The following TP73 variants were observed in gnomAD, a reference collection of about 807,000 sequenced individuals.
The protein encoded by TP73 is p53-like transcription factor.
Under a neutral mutation model 62.5 loss-of-function variants are expected in TP73, and 25 were observed. That is an observed-to-expected ratio of 0.40 (90% CI 0.29 to 0.56). The LOEUF (loss-of-function observed/expected upper bound fraction) is 0.56, where lower values mean the gene tolerates loss of function less well. TP73 is among the 20% of genes least tolerant of loss of function. TP73 has a pLI of 0.46. For synonymous variants in TP73, 423 were observed against 377.5 expected, an observed-to-expected ratio of 1.12 and a Z score of -1.40; for missense variants, 754 against 913.3, an observed-to-expected ratio of 0.83 and a Z score of 2.25.
intron 3 of TP73, among the ~76,000 whole-genome samples, chr1:3,695,339 G>A (rs1265034146): frequency 6.6e-6 from 1 of 152,196 alleles, no homozygotes; most frequent in Admixed American, 6.5e-5. Flanking sequence ...CTGTTCTTCA[G>A]CTTTAGGGTC....
intron 1 of TP73, among the ~76,000 whole-genome samples, chr1:3,668,380 T>A (rs1645167610): frequency 6.6e-6 from 1 of 152,100 alleles, no homozygotes; most frequent in Non-Finnish European, 1.5e-5. Context: ...GGGAGGAAGG[T>A]GGCACAGTGG....
At chr1:3,727,277 C>T (rs1036709054) in intron 7 of TP73, 53 bp downstream of exon 7, 20 of 1,536,180 alleles carry the variant, frequency 1.3e-5, no homozygotes, top group Admixed American at 1.7e-5. Flanking sequence ...CAGGCACGGC[C>T]GGGGGAGAAG....
chr1:3,657,897 G>A (rs1157945327), intron 1 of TP73, among the ~76,000 whole-genome samples: 1 of 132,398 alleles, frequency 7.6e-6, no homozygotes, highest in Non-Finnish European at 1.6e-5. Flanking sequence ...CCCCCAGTTA[G>A]GGACAGAAAC....
chr1:3,683,834 G>A (rs1016978570), intron 3 of TP73, among the ~76,000 whole-genome samples: 5 of 152,234 alleles, frequency 3.3e-5, no homozygotes, highest in African/African-American at 4.8e-5. Flanking sequence ...CAATGGAATG[G>A]AGTGGGGTGG....
intron 4 of TP73, among the ~76,000 whole-genome samples, chr1:3,713,396 A>G (rs3765760): frequency 0.17 from 25,260 of 152,208 alleles, 6,114 homozygotes; most frequent in African/African-American, 0.53. Context: ...AGAGAGGCCC[A>G]CAGGGGAGGG....
At chr1:3,682,875 C>G (rs1344003608) in intron 2 of TP73, among the ~76,000 whole-genome samples, 185 bp from the exon 3 acceptor site, 3 of 152,234 alleles carry the variant, frequency 2.0e-5, no homozygotes. Flanking sequence ...CTCTGCCTCT[C>G]TGGCACTCAC....
chr1:3,708,072 T>C (rs1276814341), intron 4 of TP73: 2 of 526,714 alleles, frequency 3.8e-6, no homozygotes, highest in Non-Finnish European at 6.8e-6. Flanking sequence ...CTGCCAAGAC[T>C]GGCCAGCGGC....
At chr1:3,656,371 C>T (rs1196420914) in intron 1 of TP73, among the ~76,000 whole-genome samples, 1 of 152,210 alleles carries the variant, frequency 6.6e-6, no homozygotes, top group Non-Finnish European at 1.5e-5. Context: ...GGACAAGTTG[C>T]ACATCACAGA....
intron 9 of TP73, among the ~76,000 whole-genome samples, chr1:3,728,849 G>T (rs1010683181): frequency 1.3e-5 from 2 of 152,170 alleles, no homozygotes; most frequent in African/African-American, 2.4e-5. Flanking sequence ...TGCAGCTGCA[G>T]TCCCAGCTAC....
intron 1 of TP73, among the ~76,000 whole-genome samples, chr1:3,673,187 G>T (rs570122080): frequency 1.3e-5 from 2 of 152,250 alleles, no homozygotes; most frequent in Non-Finnish European, 2.9e-5. Context: ...CTGCAAAAGG[G>T]TGCGGAGACC....
intron 1 of TP73, among the ~76,000 whole-genome samples, chr1:3,667,749 C>CA (rs543070938): frequency 0.066 from 5,622 of 85,068 alleles, 267 homozygotes; most frequent in African/African-American, 0.15. Context: ...GATTCTGTCT[C>CA]AAAAAAAAAA....
intron 1 of TP73, among the ~76,000 whole-genome samples, chr1:3,665,563 G>A (rs776520407): frequency 2.3e-4 from 35 of 152,142 alleles, no homozygotes; most frequent in Non-Finnish European, 4.7e-4. Flanking sequence ...CTTTAAAACC[G>A]GAAGGACTTG....
intron 4 of TP73, among the ~76,000 whole-genome samples, chr1:3,715,623 G>A (rs1311138601): frequency 6.6e-6 from 1 of 152,070 alleles, no homozygotes; most frequent in East Asian, 1.9e-4. Flanking sequence ...CATGAGGGTG[G>A]ACCCAGGTGC....
At chr1:3,729,834 C>T in intron 10 of TP73, 166 bp from the exon 11 acceptor site, 1 of 1,047,730 alleles carries the variant, frequency 9.5e-7, no homozygotes, top group Non-Finnish European at 1.4e-6. Flanking sequence ...GGCCCAGTGG[C>T]CGTGCATGGC....
chr1:3,658,343 AAG>A (rs927363689), intron 1 of TP73, among the ~76,000 whole-genome samples: 2 of 152,208 alleles, frequency 1.3e-5, no homozygotes, highest in Non-Finnish European at 2.9e-5. Context: ...ACAGACTCAC[AAG>A]AGACAACAGT....
At chr1:3,656,250 A>C (rs1176416967) in intron 1 of TP73, among the ~76,000 whole-genome samples, 2 of 151,880 alleles carry the variant, frequency 1.3e-5, no homozygotes, top group Non-Finnish European at 2.9e-5. Flanking sequence ...GGGCTCAGAC[A>C]GACATATGCA....
In TP73 at chr1:3,666,189, G is replaced by T. The variant is rs1370704341; in HGVS notation, c.-34+13548G>T. On this transcript the variant is annotated intron_variant, in intron 1 of 13. Coordinates refer to ENST00000378295, the MANE Select transcript of TP73 (RefSeq NM_005427.4). This position sits in a 1 kb window ranked among gnomAD's most constrained non-coding sequence, Gnocchi z 6.4. ...GAGAGAATCTCACTCTGCAGCCTAGGCTGGTGTGCAGTGGTGCAGTCACAG... is the reference window on the plus strand; with the variant it reads ...GAGAGAATCTCACTCTGCAGCCTAGTCTGGTGTGCAGTGGTGCAGTCACAG... Among the ~76,000 whole-genome samples the T allele has an allele frequency of 6.7e-6, 1 of 149,828 alleles. No individual in the cohort carries two copies. Among genetic ancestry groups the T allele is most frequent in the Non-Finnish European group, 1.5e-5 (1 of 67,802 alleles).
At chr1:3,654,137 G>A (rs1644816372) in intron 1 of TP73, among the ~76,000 whole-genome samples, 1 of 152,198 alleles carries the variant, frequency 6.6e-6, no homozygotes, top group Non-Finnish European at 1.5e-5. Flanking sequence ...TCATGCCACT[G>A]CACTCCAGCC....
rs1289832243 is a variant in TP73, at chr1:3,696,642, G to A, written c.187-10907G>A. Among the ~76,000 whole-genome samples the A allele has an allele frequency of 6.6e-6, 1 of 152,062 alleles. No homozygotes were observed. The highest frequency in any genetic ancestry group is 1.5e-5 in the Non-Finnish European group (1 of 68,020). The stretch of plus-strand genomic sequence containing the variant: ...AGGGACTGGGGCTTGGCAACCCAGA[G>A]GCTGCTGAGTTCCCACGGTTTGGAG... On this transcript the variant is annotated intron_variant, in intron 3 of 13. Coordinates refer to ENST00000378295, the MANE Select transcript of TP73 (RefSeq NM_005427.4). The surrounding 1 kb of genome is among the most constrained non-coding windows in gnomAD (Gnocchi z 4.1).
Sources: gnomAD v4.1 joint callset for allele counts (sites outside exome capture counted in the v4.1 genomes callset) on GRCh38, gnomAD v4.1.1 for gene constraint, Gnocchi (gnomAD v3.1) non-coding constraint, MANE v1.5 for transcripts, NCBI Gene and HGNC (gene_info 2026-07-23, HGNC 2026-07-21) for gene names.